Variants in ATRNL1 observed in about 807,000 individuals in gnomAD.
ATRNL1 encodes the protein attractin like 1, also known as attractin-like protein 1.
ATRNL1 carries 95 observed loss-of-function variants against 182.7 expected under a neutral mutation model. The ratio of observed to expected loss-of-function variants is 0.52; its 90% CI spans 0.44 to 0.62. The LOEUF (loss-of-function observed/expected upper bound fraction) is 0.62, where lower values mean the gene tolerates loss of function less well. Among genes scored for constraint, ATRNL1 ranks in the 20% least tolerant of loss-of-function variants. The pLI, the probability that ATRNL1 is intolerant of heterozygous loss-of-function variation, is 0.00. For missense variants in ATRNL1, 1,471 were observed against 1,679.5 expected (o/e 0.88, Z 2.17); for synonymous variants, 576 against 568.3 (o/e 1.01, Z -0.19).
At chr10:115,505,494 A>T (rs1850064434) in intron 24 of ATRNL1, among the ~76,000 whole-genome samples, 1 of 152,116 alleles carries the variant, frequency 6.6e-6, no homozygotes, top group African/African-American at 2.4e-5. Context: ...GGTATTCCAT[A>T]AAAAGCAAAC....
chr10:115,856,166 T>A (rs745817748), intron 28 of ATRNL1, among the ~76,000 whole-genome samples: 40 of 151,990 alleles, frequency 2.6e-4, no homozygotes, highest in Non-Finnish European at 7.4e-5. Context: ...CGGTAGCTCA[T>A]GCCTGTAATC....
chr10:115,928,284 G>A (rs555556629), intron 28 of ATRNL1, among the ~76,000 whole-genome samples: 1 of 152,086 alleles, frequency 6.6e-6, no homozygotes, highest in Non-Finnish European at 1.5e-5. Flanking sequence ...GTTTTTTCAT[G>A]AATGCAAATT....
chr10:115,283,537 A>G (rs1421602542), intron 14 of ATRNL1, among the ~76,000 whole-genome samples: 19 of 152,198 alleles, frequency 1.2e-4, no homozygotes, highest in Non-Finnish European at 1.8e-4. Context: ...GCTCATTTTG[A>G]GAAAGATAGT....
intron 25 of ATRNL1, among the ~76,000 whole-genome samples, chr10:115,534,574 T>C (rs1306372428): frequency 3.9e-5 from 6 of 152,280 alleles, no homozygotes; most frequent in African/African-American, 1.4e-4. Context: ...TGCCAGTCTG[T>C]GTCTTTTAAT....
At chr10:115,783,925 A>T (rs1949332472) in intron 27 of ATRNL1, among the ~76,000 whole-genome samples, 1 of 152,138 alleles carries the variant, frequency 6.6e-6, no homozygotes, top group Non-Finnish European at 1.5e-5. Flanking sequence ...AGGCAGGAGA[A>T]TCACTTGAAC....
chr10:115,718,444 T>C (rs1311760521), intron 26 of ATRNL1, among the ~76,000 whole-genome samples: 3 of 152,196 alleles, frequency 2.0e-5, no homozygotes, highest in Non-Finnish European at 4.4e-5. Flanking sequence ...TAAGCATTCA[T>C]TTTTCAACAT....
Position 115,944,665 on chromosome 10 carries a change from A to C in ATRNL1, c.4026A>C (p.Ala1342=). The change falls in exon 29 of 29, where the codon GCA becomes GCC. Residue 1342 remains alanine (A), a synonymous_variant. Transcript: ENST00000355044. Reference sequence around the variant, plus strand: ...TTTTCTCTTTCCTTCCAGGCCTTGCAATTGCCAGTGCCCTAATAGATATTT... The same window carrying C: ...TTTTCTCTTTCCTTCCAGGCCTTGCCATTGCCAGTGCCCTAATAGATATTT... ...GAPPPGQSGL[A]IASALIDISQ... 1 of 1,609,980 alleles carries C rather than the reference A, an allele frequency of 6.2e-7. No individual in the cohort carries two copies. The highest frequency in any genetic ancestry group is 8.5e-7 in the Non-Finnish European group (1 of 1,177,628).
chr10:115,329,156 G>C (rs573386190), intron 18 of ATRNL1, among the ~76,000 whole-genome samples: 1 of 151,922 alleles, frequency 6.6e-6, no homozygotes, highest in African/African-American at 2.4e-5. Flanking sequence ...TTTACCCATG[G>C]CTGTTTAGGA....
intron 14 of ATRNL1, 139 bp from the exon 15 acceptor site, chr10:115,286,077 A>G (rs1554918710): frequency 1.9e-6 from 1 of 530,392 alleles, no homozygotes; most frequent in East Asian, 3.2e-5. Context: ...TATTAGAAAA[A>G]TTTATTTGAA....
chr10:115,936,906 T>C (rs1236847799), intron 28 of ATRNL1, among the ~76,000 whole-genome samples: 1 of 152,270 alleles, frequency 6.6e-6, no homozygotes, highest in Non-Finnish European at 1.5e-5. Flanking sequence ...TACTTAACAA[T>C]CTGGAAAGGT....
intron 26 of ATRNL1, among the ~76,000 whole-genome samples, chr10:115,585,297 G>A (rs1398591950): frequency 3.3e-4 from 30 of 91,166 alleles, no homozygotes; most frequent in African/African-American, 1.0e-3. Flanking sequence ...CAATTCCTGG[G>A]TATCCTTGTT....
chr10:115,412,468 G>A (rs868943130), intron 20 of ATRNL1, among the ~76,000 whole-genome samples: 13 of 152,188 alleles, frequency 8.5e-5, no homozygotes, highest in Admixed American at 2.6e-4. Context: ...CTGATCCACG[G>A]AAACAGTGAT....
At chr10:115,344,653 A>G (rs1433942539) in intron 19 of ATRNL1, among the ~76,000 whole-genome samples, 2 of 152,190 alleles carry the variant, frequency 1.3e-5, no homozygotes, top group African/African-American at 2.4e-5. Context: ...CCTAAGGTAC[A>G]AGGCAAAGTA....
intron 20 of ATRNL1, among the ~76,000 whole-genome samples, chr10:115,405,072 A>G (rs1844753708): frequency 1.3e-5 from 2 of 152,296 alleles, no homozygotes; most frequent in African/African-American, 4.8e-5. Context: ...ACAAGTTGGA[A>G]GAAATTAGAA....
In ATRNL1 at chr10:115,881,557, C is replaced by G. The variant is rs80134352; in HGVS notation, c.4018+33566C>G. ...TGACTCCTCCCTCAACCTTTACATT[C>G]AGTTAAATACTAGTGTTGATCCCAC... On this transcript the variant is annotated intron_variant, in intron 28 of 28. Coordinates refer to ENST00000355044, the MANE Select transcript of ATRNL1 (RefSeq NM_207303.4). 4.4e-3 allele frequency among the ~76,000 whole-genome samples: 664 copies of G among 152,282 alleles called. 3 individuals are homozygous for G. Among genetic ancestry groups the G allele is most frequent in the African/African-American group, 0.015 (614 of 41,556 alleles).
rs561836283 is a variant in ATRNL1, at chr10:115,562,459, G to A, written c.3795+12923G>A. Among the ~76,000 whole-genome samples, 7 of 152,236 alleles carry A rather than the reference G, an allele frequency of 4.6e-5. No homozygotes were observed. The South Asian group carries it at 1.0e-3, about 23-fold the overall frequency. ...ATTGAATCTTATGCTCTAAATGGGT[G>A]ATTTACAAATTTCTTTGTAGAAATT... On this transcript the variant is annotated intron_variant, in intron 26 of 28. Transcript: ENST00000355044.
chr10:115,508,616 C>G (rs575810043), intron 24 of ATRNL1, among the ~76,000 whole-genome samples: 82 of 151,998 alleles, frequency 5.4e-4, no homozygotes, highest in Non-Finnish European at 6.5e-4. Flanking sequence ...TTTTAGTTGT[C>G]CGAATATAAG....
intron 3 of ATRNL1, among the ~76,000 whole-genome samples, chr10:115,124,845 C>G (rs1554872896): frequency 6.6e-6 from 1 of 152,088 alleles, no homozygotes; most frequent in African/African-American, 2.4e-5. Flanking sequence ...CAGCCAAATT[C>G]TTTAGTATGC....
intron 26 of ATRNL1, among the ~76,000 whole-genome samples, chr10:115,554,128 C>T (rs1554996380): frequency 6.6e-6 from 1 of 151,510 alleles, no homozygotes; most frequent in Non-Finnish European, 1.5e-5. Context: ...ATAGATAAAG[C>T]TTTCCATTAA....
Sources: allele counts gnomAD v4.1 joint callset (sites outside exome capture counted in the v4.1 genomes callset), GRCh38; gene constraint gnomAD v4.1.1; transcripts MANE v1.5; gene names NCBI Gene and HGNC (gene_info 2026-07-23, HGNC 2026-07-21).